Variants in DOCK3 observed in about 807,000 individuals in gnomAD.
The protein encoded by DOCK3 is dedicator of cytokinesis protein 3.
A neutral mutation model predicts 265.6 loss-of-function variants in DOCK3; 60 were observed. That is an observed-to-expected ratio of 0.23 (90% CI 0.18 to 0.28). The LOEUF is 0.28. Ranked by LOEUF, DOCK3 falls within the 10% of genes least tolerant of loss-of-function variation. The probability of loss-of-function intolerance (pLI) is 1.00; values close to 1 mark genes in which losing one functional copy is unlikely to be tolerated. For missense variants in DOCK3, 1,981 were observed against 2,594.3 expected (o/e 0.76, Z 5.14); for synonymous variants, 881 against 938.0 (o/e 0.94, Z 1.11).
chr3:50,779,288 C>A (rs1332680723), intron 2 of DOCK3, among the ~76,000 whole-genome samples: 1 of 152,104 alleles, frequency 6.6e-6, no homozygotes, highest in East Asian at 1.9e-4. Context: ...TTGAATAGAA[C>A]TACGTTATAG....
At chr3:50,840,290 T>C (rs577429783) in intron 2 of DOCK3, among the ~76,000 whole-genome samples, 1 of 152,218 alleles carries the variant, frequency 6.6e-6, no homozygotes, top group Non-Finnish European at 1.5e-5. Context: ...AAAAAGTCAT[T>C]GCTGTACTCA....
chr3:50,829,440 T>C (rs534018191), intron 2 of DOCK3, among the ~76,000 whole-genome samples: 1 of 152,186 alleles, frequency 6.6e-6, no homozygotes, highest in South Asian at 2.1e-4. Context: ...TGGAGATTAA[T>C]ATAAAATTTT....
intron 1 of DOCK3, among the ~76,000 whole-genome samples, chr3:50,706,986 T>C (rs2036450714): frequency 6.6e-6 from 1 of 151,878 alleles, no homozygotes; most frequent in Non-Finnish European, 1.5e-5. Flanking sequence ...TGATAGTGAG[T>C]GAGTGAGTTG....
intron 5 of DOCK3, among the ~76,000 whole-genome samples, chr3:50,978,844 G>C (rs2108532693): frequency 6.6e-6 from 1 of 152,324 alleles, no homozygotes; most frequent in South Asian, 2.1e-4. Flanking sequence ...ATATAATCTT[G>C]TGGTGTGCCG....
chr3:51,295,827 A>C (rs1295205632), intron 27 of DOCK3, among the ~76,000 whole-genome samples: 1 of 152,128 alleles, frequency 6.6e-6, no homozygotes, highest in Non-Finnish European at 1.5e-5. Flanking sequence ...AAGTGAAACT[A>C]TCTCTATTCA....
intron 9 of DOCK3, among the ~76,000 whole-genome samples, chr3:51,118,555 G>T (rs909327829): frequency 1.3e-5 from 2 of 152,134 alleles, no homozygotes; most frequent in Non-Finnish European, 2.9e-5. Flanking sequence ...ATTGACAGTG[G>T]GGTGTTAAAG....
chr3:51,103,690 T>C (rs1252228013), intron 9 of DOCK3, among the ~76,000 whole-genome samples: 1 of 152,216 alleles, frequency 6.6e-6, no homozygotes, highest in Non-Finnish European at 1.5e-5. Context: ...GTAAAATACC[T>C]CTGCCTTCAA....
At chr3:51,154,701 T>C (rs1275466512) in intron 10 of DOCK3, among the ~76,000 whole-genome samples, 1 of 152,212 alleles carries the variant, frequency 6.6e-6, no homozygotes, top group Non-Finnish European at 1.5e-5. Flanking sequence ...GCATGTACTG[T>C]CTTTGAATTC....
chr3:51,166,229 T>C (rs1259928320), intron 12 of DOCK3, among the ~76,000 whole-genome samples: 2 of 151,940 alleles, frequency 1.3e-5, no homozygotes, highest in African/African-American at 4.8e-5. Flanking sequence ...ATTTGTATTT[T>C]TGGTAGAGAT....
At chr3:50,741,509 G>C in intron 1 of DOCK3, among the ~76,000 whole-genome samples, 1 of 147,028 alleles carries the variant, frequency 6.8e-6, no homozygotes, top group Non-Finnish European at 1.5e-5. Context: ...CCACCTATGA[G>C]TGAGAATATG....
chr3:51,248,990 G>A (rs368151742), intron 22 of DOCK3, among the ~76,000 whole-genome samples: 15 of 147,142 alleles, frequency 1.0e-4, no homozygotes, highest in East Asian at 8.4e-4. Flanking sequence ...GAGCCTCTCC[G>A]CCCGGCAGCC....
intron 1 of DOCK3, among the ~76,000 whole-genome samples, chr3:50,746,436 T>G (rs918519017): frequency 1.3e-5 from 2 of 152,072 alleles, no homozygotes; most frequent in Admixed American, 1.3e-4. Flanking sequence ...GTTGGTTCTT[T>G]TGTGGATTAT....
chr3:51,310,325 A>T lies in DOCK3; in HGVS notation c.3016A>T (p.Asn1006Tyr). The change falls in exon 28 of 53, where the codon AAT becomes TAT. Residue 1006 changes from asparagine to tyrosine, a missense_variant and splice_region_variant. Asn to Tyr is a moderately radical substitution (Grantham distance 143). Transcript: ENST00000266037. ...GATGGTAATGAGACTGCTCACAAGC[A>T]AGTAAGTATGGAAGGGCTCTGTATC... Reference protein sequence around the residue: ...DWMVMRLLTSNIIVTTVQYLS... With the variant: ...DWMVMRLLTSYIIVTTVQYLS... 1 of 1,591,814 alleles carries T rather than the reference A, an allele frequency of 6.3e-7. No individual in the cohort carries two copies. The highest frequency in any genetic ancestry group is 8.6e-7 in the Non-Finnish European group (1 of 1,168,400).
intron 4 of DOCK3, among the ~76,000 whole-genome samples, chr3:50,907,482 G>A (rs2049587739): frequency 6.6e-6 from 1 of 152,072 alleles, no homozygotes; most frequent in Admixed American, 6.5e-5. Flanking sequence ...TCTTCTTGTT[G>A]AATTGATCCC....
intron 1 of DOCK3, among the ~76,000 whole-genome samples, chr3:50,706,219 T>C (rs1370375270): frequency 6.6e-6 from 1 of 152,188 alleles, no homozygotes; most frequent in Admixed American, 6.5e-5. Flanking sequence ...GGAAGTTCTT[T>C]ATAGCAGTGT....
chr3:51,112,228 TA>T (rs1439581692), intron 9 of DOCK3, among the ~76,000 whole-genome samples: 2 of 152,162 alleles, frequency 1.3e-5, no homozygotes, highest in Non-Finnish European at 2.9e-5. Flanking sequence ...CAGAGGAATA[TA>T]AATCATTCTG....
intron 1 of DOCK3, among the ~76,000 whole-genome samples, chr3:50,764,987 C>T (rs2040775705): frequency 6.6e-6 from 1 of 150,926 alleles, no homozygotes; most frequent in African/African-American, 2.4e-5. Context: ...ATCTCAAAAT[C>T]CTGACCTCAA....
rs9830754 is a variant in DOCK3 at position 50,881,806 on chromosome 3, C to G, written c.163-8220C>G. ...GAACCAAAAAGGAGCCCGCATTGCC[C>G]AGACAATCCTCAGCCAAAAGAACAA... On this transcript the variant is annotated intron_variant, in intron 3 of 52. Transcript: ENST00000266037. 2.7e-3 allele frequency among the ~76,000 whole-genome samples: 417 copies of G among 152,108 alleles called. 1 individual carries two copies. Among genetic ancestry groups the G allele is most frequent in the African/African-American group, 9.6e-3 (399 of 41,506 alleles).
At chr3:50,680,215 C>CTTTT (rs771036444) in intron 1 of DOCK3, among the ~76,000 whole-genome samples, 1 of 136,210 alleles carries the variant, frequency 7.3e-6, no homozygotes, top group African/African-American at 2.7e-5. Context: ...CTTTTTCTTT[C>CTTTT]TTTTTTTTTT....
Sources: gnomAD v4.1 joint callset for allele counts (sites outside exome capture counted in the v4.1 genomes callset) on GRCh38, gnomAD v4.1.1 for gene constraint, MANE v1.5 for transcripts, NCBI Gene and HGNC (gene_info 2026-07-23, HGNC 2026-07-21) for gene names.